The following CSF1R variants were observed in gnomAD, a reference collection of about 807,000 sequenced individuals.
CSF1R encodes the protein macrophage colony-stimulating factor 1 receptor.
Under a neutral mutation model 110.0 loss-of-function variants are expected in CSF1R, and 40 were observed. That is an observed-to-expected ratio of 0.36 (90% confidence interval 0.28 to 0.47). CSF1R has a LOEUF of 0.47. CSF1R is among the 20% of genes least tolerant of loss of function. The probability of loss-of-function intolerance (pLI) is 0.99; values close to 1 mark genes in which losing one functional copy is unlikely to be tolerated. For synonymous variants in CSF1R, 523 were observed against 503.4 expected (o/e 1.04, Z -0.52); for missense variants, 1,052 against 1,253.0 (o/e 0.84, Z 2.42).
chr5:150,056,218 C>T lies in CSF1R; in HGVS notation c.2442+1G>A. 6.2e-7 allele frequency: 1 copy of T among 1,614,246 alleles called. No homozygotes were observed. The highest frequency in any genetic ancestry group is 8.5e-7 in the Non-Finnish European group (1 of 1,180,034). ...CTGGCCCAAGCCCTCCCAGCACTTA[C>T]ATTGCCCTTGACAATGTAGTTGGAG... On this transcript the variant is annotated splice_donor_variant, in intron 17 of 20. Coordinates refer to ENST00000675795, the MANE Select transcript of CSF1R (RefSeq NM_001288705.3). LOFTEE classifies it high-confidence loss of function.
chr5:150,072,178 C>G (rs73275649), intron 6 of CSF1R, among the ~76,000 whole-genome samples: 3,584 of 152,256 alleles, frequency 0.024, 153 homozygotes, highest in African/African-American at 0.082. Context: ...GTACTGTCTC[C>G]CTCTGAAAGG....
intron 3 of CSF1R, among the ~76,000 whole-genome samples, chr5:150,079,813 A>G (rs926072418): frequency 6.6e-6 from 1 of 152,210 alleles, no homozygotes; most frequent in African/African-American, 2.4e-5. Context: ...AGCATGTCCA[A>G]TGACTTGAGA....
chr5:150,077,059 A>G, intron 5 of CSF1R: 1 of 634,408 alleles, frequency 1.6e-6, no homozygotes, highest in East Asian at 2.9e-5. Context: ...CAATGCAGCC[A>G]TGCACTGTAA....
At chr5:150,057,719 C>G in intron 14 of CSF1R, 127 bp from the exon 15 acceptor site, 1 of 672,474 alleles carries the variant, frequency 1.5e-6, no homozygotes. Context: ...ACCCTCCTGC[C>G]ACACTCCATC....
chr5:150,081,279 C>T (rs570653398), intron 1 of CSF1R, among the ~76,000 whole-genome samples: 1 of 152,288 alleles, frequency 6.6e-6, no homozygotes, highest in East Asian at 1.9e-4. Flanking sequence ...GCCTCTCACC[C>T]AGGCCTCTGT....
intron 1 of CSF1R, among the ~76,000 whole-genome samples, chr5:150,084,387 G>GAAAGAAAGAAAGAAAGAAAGAAAGAAAA (rs1758721010): frequency 2.5e-5 from 1 of 40,668 alleles, no homozygotes; most frequent in Admixed American, 2.0e-4. Context: ...AAGAAAGAAA[G>GAAAGAAAGAAAGAAAGAAAGAAAGAAAA]AAAGAAGGAA....
Position 150,073,468 on chromosome 5 carries a change from A to G in CSF1R, c.915T>C (p.Ser305=), listed in dbSNP as rs1170056192. The change falls in exon 6 of 21, where the codon TCT becomes TCC. Residue 305 remains serine, a synonymous_variant. Coordinates refer to ENST00000675795, the MANE Select transcript of CSF1R (RefSeq NM_001288705.3). ...TCACCTCCTGGATGAGGTTCTGCTC[A>G]GAGCTCAAGTTCAAGTAGGCACTCT... ...VVESAYLNLS[S]EQNLIQEVTV... is the part of the protein sequence containing the mutation. 1 of 1,613,672 alleles carries G rather than the reference A, an allele frequency of 6.2e-7. No homozygotes were observed. The highest frequency in any genetic ancestry group is 1.3e-5 in the African/African-American group (1 of 74,924).
chr5:150,077,398 C>T lies in CSF1R; in HGVS notation c.767G>A (p.Arg256His), dbSNP rs200702302. ...IPQQSDFHNN[R>H]YQKVLTLNLD... ...GTTGAGGGTCAGGACTTTTTGGTAA[C>T]GGTTATTATGAAAGTCAGATTGTTG... The change falls in exon 5 of 21, where the codon CGT becomes CAT. Residue 256 changes from arginine to histidine, a missense_variant. By Grantham distance (29) the Arg-to-His change is conservative. This residue lies in a region of CSF1R where 693 missense variants were observed against 735.4 expected (regional missense o/e 0.94). Transcript: ENST00000675795. 3.3e-5 allele frequency: 53 copies of T among 1,613,708 alleles called. No homozygotes were observed. The highest frequency in any genetic ancestry group is 1.6e-4 in the Middle Eastern group (1 of 6,080).
At chr5:150,089,719 C>T (rs964105830), upstream of CSF1R, among the ~76,000 whole-genome samples, 6 of 152,240 alleles carry the variant, frequency 3.9e-5, no homozygotes, top group African/African-American at 1.2e-4. Flanking sequence ...TATGGAATCT[C>T]GAGGGACATT....
At chr5:150,104,196 C>A (rs192300619) in intron 1 of CSF1R, among the ~76,000 whole-genome samples, 25 of 152,348 alleles carry the variant, frequency 1.6e-4, no homozygotes, top group African/African-American at 5.8e-4. Flanking sequence ...GCAATTCTCA[C>A]CAAGTCCCTG....
rs550316329 is a variant in CSF1R, at chr5:150,110,760, C to T, written c.-181+2501G>A. Among the ~76,000 whole-genome samples, 56 of 152,190 alleles carry T rather than the reference C, an allele frequency of 3.7e-4. No individual in the cohort carries two copies. The Middle Eastern group carries it at 0.01, about 28-fold the overall frequency. On this transcript the variant is annotated intron_variant, in intron 1 of 21. Transcript: ENST00000286301. ...ATTTCAACAAGATAAATTTGTACCA[C>T]AGAGTTGCTGAATAAAGAGAATAAA...
chr5:150,082,909 T>C (rs1405380878), intron 1 of CSF1R, among the ~76,000 whole-genome samples: 1 of 152,146 alleles, frequency 6.6e-6, no homozygotes, highest in African/African-American at 2.4e-5. Context: ...ATTCTGTGAT[T>C]CCATTTGTTC....
intron 3 of CSF1R, among the ~76,000 whole-genome samples, chr5:150,079,259 A>AC (rs35540657): frequency 8.5e-5 from 13 of 152,102 alleles, no homozygotes; most frequent in Admixed American, 7.2e-4. Context: ...GGGTCCTTTG[A>AC]CCCCCTGGGC....
At chr5:150,076,031 C>T (rs1412018688) in intron 5 of CSF1R, among the ~76,000 whole-genome samples, 1 of 151,970 alleles carries the variant, frequency 6.6e-6, no homozygotes, top group African/African-American at 2.4e-5. Flanking sequence ...GTCTCAGAGC[C>T]TGCTCCCACT....
chr5:150,080,503 C>A (rs1026499259), intron 2 of CSF1R, among the ~76,000 whole-genome samples, 167 bp from the exon 3 acceptor site: 1 of 152,178 alleles, frequency 6.6e-6, no homozygotes, highest in Non-Finnish European at 1.5e-5. Context: ...CAGAGTCAGG[C>A]GCACCTGGGC....
intron 1 of CSF1R, among the ~76,000 whole-genome samples, chr5:150,110,458 T>A (rs1209576307): frequency 6.6e-6 from 1 of 152,254 alleles, no homozygotes; most frequent in Non-Finnish European, 1.5e-5. Flanking sequence ...ATTTTGCATT[T>A]CTGACATTGG....
In CSF1R at chr5:150,053,698, T is replaced by C; in HGVS notation, c.*371A>G. On this transcript the variant is annotated 3_prime_UTR_variant, in exon 21 of 21. Transcript: ENST00000675795. ...TGTCTAGCCCCAAAGAGCCTGGTTT[T>C]CTCAGTATCAGTGTAGCTCCTGGGG... The C allele has an allele frequency of 2.9e-6, 1 of 340,984 alleles. No individual in the cohort carries two copies. The highest frequency in any genetic ancestry group is 5.5e-6 in the Non-Finnish European group (1 of 183,312). The allele number at this position is 340,984 out of a possible 1,614,324, so 21.1% of individuals were successfully genotyped here.
rs372965319 is a variant in CSF1R, at chr5:150,070,440, C to A, written c.1198+16G>T. 109 of 1,549,800 alleles carry A rather than the reference C, an allele frequency of 7.0e-5. 1 individual carries two copies. The East Asian group carries it at 8.5e-4, about 12-fold the overall frequency. On this transcript the variant is annotated intron_variant, in intron 7 of 20. Transcript: ENST00000675795. ...CAGGGCCTCCGCCCCAGGTGGCGCT[C>A]GGCCCCAGCACTCACATCGAAGGGT...
chr5:150,080,837 C>T lies in CSF1R; in HGVS notation c.237G>A (p.Thr79=), dbSNP rs146145627. The T allele has an allele frequency of 8.3e-5, 134 of 1,614,006 alleles. No individual in the cohort carries two copies. Among genetic ancestry groups the T allele is most frequent in the Admixed American group, 3.2e-4 (19 of 60,002 alleles). The change falls in exon 2 of 21, where the codon ACG becomes ACA. Residue 79 remains threonine (T), a synonymous_variant. Transcript: ENST00000675795. ...CAGGCTCAGTGCAGCGATAGGTCCC[C>T]GTGTTTTGGAAGGTAGCGTTGTTGG... is the stretch of plus-strand genomic sequence containing the variant. The part of the protein sequence containing the change: ...LSTNNATFQN[T]GTYRCTEPGD...
Sources: gnomAD v4.1 joint callset for allele counts (sites outside exome capture counted in the v4.1 genomes callset) on GRCh38, gnomAD v4.1.1 for gene constraint, gnomAD v4.1.1 regional missense constraint, MANE v1.5 for transcripts, NCBI Gene and HGNC (gene_info 2026-07-23, HGNC 2026-07-21) for gene names.